Variants in SLCO3A1 observed in about 807,000 individuals in gnomAD.
SLCO3A1 encodes the protein solute carrier organic anion transporter family member 3A1.
A neutral mutation model predicts 63.1 loss-of-function variants in SLCO3A1; 27 were observed. The observed-to-expected ratio is 0.43, with a 90% CI of 0.32 to 0.59. The LOEUF is 0.59. Among genes scored for constraint, SLCO3A1 ranks in the 20% least tolerant of loss-of-function variants. SLCO3A1 has a pLI of 0.09. For missense variants in SLCO3A1, 773 were observed against 945.8 expected (o/e 0.82, Z 2.40); for synonymous variants, 473 against 409.9 (o/e 1.15, Z -1.86).
chr15:91,973,530 T>C (rs1232263171), intron 2 of SLCO3A1, among the ~76,000 whole-genome samples: 1 of 152,192 alleles, frequency 6.6e-6, no homozygotes, highest in Non-Finnish European at 1.5e-5. Context: ...TCTAAAATCA[T>C]GGTGCGTTTG....
chr15:91,899,935 A>G (rs531450625), intron 1 of SLCO3A1, among the ~76,000 whole-genome samples: 1 of 152,358 alleles, frequency 6.6e-6, no homozygotes, highest in East Asian at 1.9e-4. Context: ...TGTATTAATA[A>G]TAGTTTGTTC....
chr15:92,101,373 G>C (rs1281261849), intron 3 of SLCO3A1, among the ~76,000 whole-genome samples: 1 of 152,084 alleles, frequency 6.6e-6, no homozygotes, highest in Non-Finnish European at 1.5e-5. Flanking sequence ...GCCGGGCATG[G>C]TGGTGGGCAC....
chr15:91,937,104 C>G (rs139033074), intron 2 of SLCO3A1, among the ~76,000 whole-genome samples: 1 of 152,254 alleles, frequency 6.6e-6, no homozygotes, highest in Non-Finnish European at 1.5e-5. Context: ...TGAAGGGTGT[C>G]AGCTGTGTAT....
chr15:92,027,002 A>T (rs2151476392), intron 2 of SLCO3A1, among the ~76,000 whole-genome samples: 1 of 152,116 alleles, frequency 6.6e-6, no homozygotes, highest in East Asian at 1.9e-4. Flanking sequence ...AGACAGGAGA[A>T]TCACTTGAAC....
rs2048251598 is a variant in SLCO3A1, at chr15:92,147,971, C to T, written c.1688+812C>T. 2.6e-5 allele frequency among the ~76,000 whole-genome samples: 4 copies of T among 152,260 alleles called. 1 individual carries two copies. The South Asian group carries it at 8.3e-4, about 32-fold the overall frequency. On this transcript the variant is annotated intron_variant, in intron 8 of 9. Coordinates refer to ENST00000318445, the MANE Select transcript of SLCO3A1 (RefSeq NM_013272.4). ...GTGGCTCATGCCTGTAATCCCAGCACTTTGGGAGGCCAAGGCTGGAGGATC... is the reference window on the plus strand; with the variant it reads ...GTGGCTCATGCCTGTAATCCCAGCATTTTGGGAGGCCAAGGCTGGAGGATC...
chr15:91,928,697 G>A (rs151016974), intron 2 of SLCO3A1, among the ~76,000 whole-genome samples: 1 of 152,202 alleles, frequency 6.6e-6, no homozygotes, highest in Non-Finnish European at 1.5e-5. Context: ...GCCAGGAGAC[G>A]TCTGATGGGT....
At chr15:91,952,019 G>A (rs999394363) in intron 2 of SLCO3A1, among the ~76,000 whole-genome samples, 19 of 152,152 alleles carry the variant, frequency 1.2e-4, no homozygotes, top group Admixed American at 1.2e-3. Context: ...CAGTAATGTG[G>A]ATTCTTCACA....
Position 92,037,420 on chromosome 15 carries a change from C to G in SLCO3A1, c.647-57461C>G, listed in dbSNP as rs115603288. On this transcript the variant is annotated intron_variant, in intron 2 of 9. Transcript: ENST00000318445. ...AAGCTAGGTTTCCAACCCAGATCCC[C>G]GACTCTAAATCTAGGCTTCTTTTAA... Among the ~76,000 whole-genome samples, 1,353 of 152,234 alleles carry G rather than the reference C, an allele frequency of 8.9e-3. 23 individuals are homozygous for G. The highest frequency in any genetic ancestry group is 0.031 in the African/African-American group (1,286 of 41,528).
chr15:92,141,304 C>G (rs1178819099), intron 7 of SLCO3A1, among the ~76,000 whole-genome samples: 1 of 152,170 alleles, frequency 6.6e-6, no homozygotes, highest in Non-Finnish European at 1.5e-5. Flanking sequence ...CAATCATAAA[C>G]TAATCTGAAA....
At chr15:91,947,848 G>A (rs955906617) in intron 2 of SLCO3A1, among the ~76,000 whole-genome samples, 9 of 152,080 alleles carry the variant, frequency 5.9e-5, no homozygotes, top group Non-Finnish European at 1.2e-4. Flanking sequence ...ACCCTGGGTC[G>A]GTCTGTACAC....
chr15:92,054,794 T>C (rs2047002512), intron 2 of SLCO3A1, among the ~76,000 whole-genome samples: 1 of 152,244 alleles, frequency 6.6e-6, no homozygotes, highest in Non-Finnish European at 1.5e-5. Flanking sequence ...TTCCTTTTTA[T>C]GGCTGCATAG....
Position 91,894,833 on chromosome 15 carries a change from A to T in SLCO3A1, c.181-21160A>T, listed in dbSNP as rs1239098468. On this transcript the variant is annotated intron_variant, in intron 1 of 9. Coordinates refer to ENST00000318445, the MANE Select transcript of SLCO3A1 (RefSeq NM_013272.4). This position sits in a 1 kb window ranked among gnomAD's most constrained non-coding sequence, Gnocchi z 4.8. Reference sequence around the variant, plus strand: ...GCACATGCTTCTGCCACACAGAGGCACAGAACAGTGAAACCCCCGGAGGGA... The same window carrying T: ...GCACATGCTTCTGCCACACAGAGGCTCAGAACAGTGAAACCCCCGGAGGGA... Among the ~76,000 whole-genome samples, 1 of 152,136 alleles carries T rather than the reference A, an allele frequency of 6.6e-6. No individual in the cohort carries two copies. The highest frequency in any genetic ancestry group is 2.4e-5 in the African/African-American group (1 of 41,434).
Position 91,853,917 on chromosome 15 carries a change from G to A in SLCO3A1, c.9G>A (p.Gly3=). The change falls in exon 1 of 10, where the codon GGG becomes GGA. Residue 3 remains glycine, a synonymous_variant. Coordinates refer to ENST00000318445, the MANE Select transcript of SLCO3A1 (RefSeq NM_013272.4). The stretch of plus-strand genomic sequence containing the variant: ...GCGGCGGCGGGGGAAGGATGCAGGG[G>A]AAGAAGCCGGGCGGTTCGTCGGGCG... MQ[G]KKPGGSSGGG... 11 of 1,439,180 alleles carry A rather than the reference G, an allele frequency of 7.6e-6. No homozygotes were observed. The highest frequency in any genetic ancestry group is 1.0e-5 in the Non-Finnish European group (11 of 1,086,776). 89.2% of individuals were successfully genotyped at this position (1,439,180 alleles called of 1,614,324 possible). A position where few individuals can be genotyped will look rare whatever the true frequency, so the allele number is the denominator to read the frequency against.
At chr15:91,996,895 A>T (rs1436748859) in intron 2 of SLCO3A1, among the ~76,000 whole-genome samples, 1 of 152,206 alleles carries the variant, frequency 6.6e-6, no homozygotes, top group African/African-American at 2.4e-5. Context: ...ATAGTGAAAA[A>T]ACACAAAAAC....
At chr15:92,091,915 C>T (rs1379464004) in intron 2 of SLCO3A1, among the ~76,000 whole-genome samples, 1 of 152,212 alleles carries the variant, frequency 6.6e-6, no homozygotes, top group Admixed American at 6.5e-5. Flanking sequence ...TGGAAACCCA[C>T]ACCTTCTCAT....
chr15:92,010,481 A>G (rs748958449), intron 2 of SLCO3A1, among the ~76,000 whole-genome samples: 21 of 152,180 alleles, frequency 1.4e-4, no homozygotes, highest in Non-Finnish European at 2.9e-4. Flanking sequence ...CAGCTCATGC[A>G]TATTAGAACC....
At position 91,974,265 on chromosome 15, in the gene SLCO3A1, G is replaced by GTTGTTGTTA. The variant is rs147991710; in HGVS notation, c.646+57809_646+57810insGTTGTTATT. ...CTAAACGGACACCATTTTCATTATT[G>GTTGTTGTTA]TTATTATTATTATTATTATTATTAT... On this transcript the variant is annotated intron_variant, in intron 2 of 9. Transcript: ENST00000318445. 1.7e-3 allele frequency among the ~76,000 whole-genome samples: 238 copies of GTTGTTGTTA among 142,956 alleles called. 1 individual carries two copies. The highest frequency in any genetic ancestry group is 5.7e-3 in the African/African-American group (223 of 38,884). The allele number at this position is 142,956 out of a possible 152,430, so 93.8% of individuals were successfully genotyped here. A position where few individuals can be genotyped will look rare whatever the true frequency, so the allele number is the denominator to read the frequency against.
downstream of SLCO3A1, among the ~76,000 whole-genome samples, chr15:92,168,680 A>T (rs1166245168): frequency 6.6e-6 from 1 of 152,202 alleles, no homozygotes. Flanking sequence ...AGGGACCCTG[A>T]GCTAGGTGTC....
chr15:92,052,055 T>C (rs2046964676), intron 2 of SLCO3A1, among the ~76,000 whole-genome samples: 1 of 152,110 alleles, frequency 6.6e-6, no homozygotes, highest in Non-Finnish European at 1.5e-5. Flanking sequence ...GGTTCTCGAA[T>C]TCAGAGCAAA....
Sources: gnomAD v4.1 joint callset for allele counts (sites outside exome capture counted in the v4.1 genomes callset) on GRCh38, gnomAD v4.1.1 for gene constraint, Gnocchi (gnomAD v3.1) non-coding constraint, MANE v1.5 for transcripts, NCBI Gene and HGNC (gene_info 2026-07-23, HGNC 2026-07-21) for gene names.